MACROD2: variants seen among roughly 807,000 people sequenced by gnomAD.
The protein encoded by MACROD2 is ADP-ribose glycohydrolase MACROD2.
MACROD2 carries 36 observed loss-of-function variants against 70.4 expected under a neutral mutation model. That is an observed-to-expected ratio of 0.51 (90% CI 0.39 to 0.68). MACROD2 has a LOEUF of 0.68. MACROD2 is among the 30% of genes least tolerant of loss of function. The pLI, the probability that MACROD2 is intolerant of heterozygous loss-of-function variation, is 0.00. For missense variants in MACROD2, 496 were observed against 538.4 expected (o/e 0.92, Z 0.78); for synonymous variants, 172 against 178.8 (o/e 0.96, Z 0.30).
At chr20:14,127,304 TGA>T in intron 3 of MACROD2, 1 of 288,628 alleles carries the variant, frequency 3.5e-6, no homozygotes, top group Non-Finnish European at 6.5e-6. Flanking sequence ...CCAAGAGAGG[TGA>T]GGAAACTCCA....
chr20:14,078,859 A>G (rs554124481), intron 2 of MACROD2, among the ~76,000 whole-genome samples: 91 of 152,354 alleles, frequency 6.0e-4, no homozygotes, highest in African/African-American at 2.2e-3. Context: ...AGTGATGCTT[A>G]AGCTTTTCTA....
intron 5 of MACROD2, among the ~76,000 whole-genome samples, chr20:14,695,877 A>C (rs1006106862): frequency 6.6e-6 from 1 of 152,192 alleles, no homozygotes; most frequent in Non-Finnish European, 1.5e-5. Context: ...GAGATAATAC[A>C]TATATGTTTT....
At position 14,545,486 on chromosome 20, in the gene MACROD2, G is replaced by A. The variant is rs570508926; in HGVS notation, c.301+51978G>A. 1.2e-4 allele frequency among the ~76,000 whole-genome samples: 18 copies of A among 152,302 alleles called. No individual in the cohort carries two copies. In the South Asian group the frequency reaches 3.7e-3, roughly 32 times the overall value. On this transcript the variant is annotated intron_variant, in intron 4 of 17. Coordinates refer to ENST00000684519, the MANE Select transcript of MACROD2 (RefSeq NM_001351661.2). ...CCACCAGTCCCTTGCATTGTTTGAG[G>A]AGATTTTTTACCATCTTCCAGTTTA...
chr20:14,407,466 G>A (rs1322342222), intron 3 of MACROD2, among the ~76,000 whole-genome samples: 1 of 152,056 alleles, frequency 6.6e-6, no homozygotes, highest in East Asian at 1.9e-4. Flanking sequence ...TAGTTTGACA[G>A]TGTGGTCTGA....
rs959904298 is a variant in MACROD2, at chr20:14,169,408, G to A, written c.271+83680G>A. The stretch of plus-strand genomic sequence containing the variant: ...CAACCTCCGCCTACTGTGTTCAAGC[G>A]ATTCTTCTGCCTCAGCCTCCTGAGT... On this transcript the variant is annotated intron_variant, in intron 3 of 17. Coordinates refer to ENST00000684519, the MANE Select transcript of MACROD2 (RefSeq NM_001351661.2). Among the ~76,000 whole-genome samples, 9 of 152,160 alleles carry A rather than the reference G, an allele frequency of 5.9e-5. No homozygotes were observed. In the South Asian group the frequency reaches 1.7e-3, roughly 28 times the overall value.
chr20:14,321,382 C>T lies in MACROD2; in HGVS notation c.272-172097C>T, dbSNP rs145254066. On this transcript the variant is annotated intron_variant, in intron 3 of 17. Transcript: ENST00000684519. ...TCCATCTCAAAAAAAAAAAGCCAGT[C>T]AGTAAAAGTCATTGACTAGTTAAGA... 4.3e-3 allele frequency among the ~76,000 whole-genome samples: 656 copies of T among 151,288 alleles called. 8 individuals carry two copies. The highest frequency in any genetic ancestry group is 0.015 in the African/African-American group (606 of 41,268).
At chr20:14,568,814 T>C (rs1378677563) in intron 4 of MACROD2, among the ~76,000 whole-genome samples, 3 of 151,978 alleles carry the variant, frequency 2.0e-5, no homozygotes, top group Admixed American at 2.0e-4. Context: ...GAGCGACTTT[T>C]TCCTTAAATC....
chr20:15,145,622 C>A (rs2076224706), intron 5 of MACROD2, among the ~76,000 whole-genome samples: 2 of 151,948 alleles, frequency 1.3e-5, no homozygotes, highest in Non-Finnish European at 2.9e-5. Context: ...CAAATAAAGA[C>A]TAAGAAAAGA....
At chr20:15,796,991 C>T (rs754842874) in intron 8 of MACROD2, among the ~76,000 whole-genome samples, 94 of 152,308 alleles carry the variant, frequency 6.2e-4, no homozygotes, top group Non-Finnish European at 1.2e-3. Context: ...TATTTTCTTA[C>T]GTATCAAGGT....
intron 3 of MACROD2, among the ~76,000 whole-genome samples, chr20:14,155,337 G>A (rs1269601357): frequency 2.0e-5 from 3 of 152,010 alleles, no homozygotes; most frequent in Non-Finnish European, 4.4e-5. Context: ...AATTTCTTCC[G>A]AGATTTCTAC....
chr20:15,804,610 G>A (rs956950467), intron 8 of MACROD2, among the ~76,000 whole-genome samples: 13 of 152,146 alleles, frequency 8.5e-5, no homozygotes, highest in Admixed American at 8.5e-4. Context: ...TTGTAGAAAA[G>A]CACACAGCTG....
intron 5 of MACROD2, among the ~76,000 whole-genome samples, chr20:15,047,733 G>A (rs2075406038): frequency 6.6e-6 from 1 of 152,158 alleles, no homozygotes; most frequent in Non-Finnish European, 1.5e-5. Context: ...CCACTGAGTT[G>A]TGAGTAGCAG....
At chr20:15,239,749 GAA>G (rs1188548588) in intron 6 of MACROD2, among the ~76,000 whole-genome samples, 1 of 152,180 alleles carries the variant, frequency 6.6e-6, no homozygotes, top group Non-Finnish European at 1.5e-5. Flanking sequence ...CAAGGAGAAA[GAA>G]GCCAGGAGAA....
At chr20:14,331,767 C>T (rs1391918322) in intron 3 of MACROD2, among the ~76,000 whole-genome samples, 1 of 152,064 alleles carries the variant, frequency 6.6e-6, no homozygotes, top group Non-Finnish European at 1.5e-5. Flanking sequence ...ATGAACGATC[C>T]TCTCCTATCC....
At chr20:14,733,159 G>T (rs185611774) in intron 5 of MACROD2, among the ~76,000 whole-genome samples, 107 of 152,166 alleles carry the variant, frequency 7.0e-4, no homozygotes, top group African/African-American at 2.3e-3. Flanking sequence ...AAAGAACTTG[G>T]ATTGAGTGGT....
intron 3 of MACROD2, among the ~76,000 whole-genome samples, chr20:14,274,195 AAG>A: frequency 6.6e-6 from 1 of 152,288 alleles, no homozygotes; most frequent in East Asian, 1.9e-4. Flanking sequence ...ATAGCCAAAA[AAG>A]AGAATTTTAG....
chr20:15,924,108 T>A (rs1387858128), intron 10 of MACROD2, among the ~76,000 whole-genome samples: 1 of 152,218 alleles, frequency 6.6e-6, no homozygotes, highest in Non-Finnish European at 1.5e-5. Flanking sequence ...CATCCTGAAC[T>A]TCAAAATTCC....
At chr20:14,538,153 G>A (rs887855106) in intron 4 of MACROD2, among the ~76,000 whole-genome samples, 53 of 152,310 alleles carry the variant, frequency 3.5e-4, no homozygotes, top group Admixed American at 2.6e-3. Context: ...AGAAACTGAG[G>A]TAGAGAACGA....
At chr20:15,476,570 GC>G (rs10596676) in intron 7 of MACROD2, among the ~76,000 whole-genome samples, 38 of 150,150 alleles carry the variant, frequency 2.5e-4, no homozygotes, top group African/African-American at 5.4e-4. Context: ...TTGTTGTTTT[GC>G]CCCCCCCCGG....
Sources: allele counts gnomAD v4.1 joint callset (sites outside exome capture counted in the v4.1 genomes callset), GRCh38; gene constraint gnomAD v4.1.1; transcripts MANE v1.5; gene names NCBI Gene and HGNC (gene_info 2026-07-23, HGNC 2026-07-21).